Variants in DPYD observed in about 807,000 individuals in gnomAD.
The protein encoded by DPYD is dihydropyrimidine dehydrogenase.
Under a neutral mutation model 116.2 loss-of-function variants are expected in DPYD, and 109 were observed. The ratio of observed to expected loss-of-function variants is 0.94; its 90% CI spans 0.80 to 1.10. The LOEUF is 1.10. Ranked by LOEUF, DPYD falls within the 50% of genes least tolerant of loss-of-function variation. The pLI is 0.00. For missense variants in DPYD, 1,302 were observed against 1,254.5 expected (o/e 1.04, Z -0.57); for synonymous variants, 440 against 432.0 (o/e 1.02, Z -0.23).
chr1:97,140,924 C>T (rs12023630), intron 20 of DPYD, among the ~76,000 whole-genome samples: 21,103 of 152,092 alleles, frequency 0.14, 1,681 homozygotes, highest in East Asian at 0.31. Flanking sequence ...CACTATAATA[C>T]TGTTTTTTCC....
At chr1:97,081,236 A>G (rs1649128026) in intron 22 of DPYD, among the ~76,000 whole-genome samples, 1 of 152,046 alleles carries the variant, frequency 6.6e-6, no homozygotes, top group African/African-American at 2.4e-5. Flanking sequence ...AGGTACACAA[A>G]CTTCTCTTTT....
intron 3 of DPYD, among the ~76,000 whole-genome samples, chr1:97,777,145 C>A (rs1408693942): frequency 1.3e-5 from 2 of 152,084 alleles, no homozygotes; most frequent in Non-Finnish European, 2.9e-5. Context: ...TATTTACTAC[C>A]TAACACCTAG....
chr1:97,250,024 C>A (rs1261640762), intron 18 of DPYD, among the ~76,000 whole-genome samples: 4 of 152,160 alleles, frequency 2.6e-5, no homozygotes, highest in African/African-American at 4.8e-5. Flanking sequence ...GTAATCCCAG[C>A]ACTTTGGGAG....
chr1:97,292,722 G>GCACACACA (rs71765073), intron 18 of DPYD, among the ~76,000 whole-genome samples: 3,422 of 149,896 alleles, frequency 0.023, 62 homozygotes, highest in East Asian at 0.039. Context: ...ACACGCGCGA[G>GCACACACA]CACACACACA....
At chr1:97,544,467 A>T (rs1005049151) in intron 12 of DPYD, among the ~76,000 whole-genome samples, 2 of 152,128 alleles carry the variant, frequency 1.3e-5, no homozygotes, top group Non-Finnish European at 2.9e-5. Flanking sequence ...TATATTTCAA[A>T]CACTATCATT....
chr1:97,094,404 AC>A (rs1650095052), intron 21 of DPYD, among the ~76,000 whole-genome samples: 1 of 152,180 alleles, frequency 6.6e-6, no homozygotes, highest in Admixed American at 6.6e-5. Flanking sequence ...AGGAAAGAAT[AC>A]GTAAGCAACA....
At chr1:97,336,349 T>G (rs767590200) in intron 16 of DPYD, among the ~76,000 whole-genome samples, 1 of 152,188 alleles carries the variant, frequency 6.6e-6, no homozygotes, top group South Asian at 2.1e-4. Flanking sequence ...TTTAAAGAAC[T>G]AAGTCTAGTA....
chr1:97,573,896 C>G lies in DPYD; in HGVS notation c.1203G>C (p.Gly401=), dbSNP rs1335679003. ...GAACAAACTGCATAGCAACAATTCTCCCACCTTTTACTATAACCTTCCGTG... is the reference window on the plus strand; with the variant it reads ...GAACAAACTGCATAGCAACAATTCTGCCACCTTTTACTATAACCTTCCGTG... ...LSPRKVIVKG[G]RIVAMQFVRT... Residue 401 remains glycine, a synonymous_variant, in exon 11 of 23, where the codon GGG becomes GGC. Transcript: ENST00000370192. The G allele has an allele frequency of 1.2e-6, 2 of 1,613,716 alleles. No individual in the cohort carries two copies. The highest frequency in any genetic ancestry group is 1.7e-6 in the Non-Finnish European group (2 of 1,179,740).
At position 97,323,973 on chromosome 1, in the gene DPYD, T is replaced by G. The variant is rs1475975936; in HGVS notation, c.2059-17676A>C. On this transcript the variant is annotated intron_variant, in intron 16 of 22. Transcript: ENST00000370192. ...AGTACATGATCTAGGCCTAGGCAAC[T>G]GAAGATCCAGCCCAAAGTTTTAACC... 3.9e-5 allele frequency among the ~76,000 whole-genome samples: 6 copies of G among 151,908 alleles called. No homozygotes were observed. In the East Asian group the frequency reaches 1.2e-3, roughly 30 times the overall value.
intron 11 of DPYD, among the ~76,000 whole-genome samples, chr1:97,566,743 TA>T (rs991637501): frequency 1.3e-5 from 2 of 152,136 alleles, no homozygotes; most frequent in Non-Finnish European, 2.9e-5. Context: ...CTGAAGGTCA[TA>T]AAGAGTGGTT....
intron 3 of DPYD, among the ~76,000 whole-genome samples, chr1:97,791,071 C>T (rs1667296837): frequency 6.6e-6 from 1 of 152,170 alleles, no homozygotes; most frequent in South Asian, 2.1e-4. Context: ...ACATAATGTA[C>T]ATAAACACAG....
rs922224042 is a variant in DPYD at position 97,806,493 on chromosome 1, T to A, written c.233+21621A>T. On this transcript the variant is annotated intron_variant, in intron 3 of 22. Transcript: ENST00000370192. Reference sequence around the variant, plus strand: ...TTTACTCAAATATTTTGACTATTTTTAAAAATTGTACATACTTCCTTTTTT... The same window carrying A: ...TTTACTCAAATATTTTGACTATTTTAAAAAATTGTACATACTTCCTTTTTT... Among the ~76,000 whole-genome samples the A allele has an allele frequency of 8.6e-5, 13 of 151,964 alleles. 1 individual carries two copies. Among genetic ancestry groups the A allele is most frequent in the African/African-American group, 2.7e-4 (11 of 41,422 alleles).
intron 8 of DPYD, among the ~76,000 whole-genome samples, chr1:97,650,021 T>C (rs1658492842): frequency 6.6e-6 from 1 of 152,072 alleles, no homozygotes; most frequent in Non-Finnish European, 1.5e-5. Context: ...ATCATTTCAC[T>C]TCCCAACCTA....
intron 19 of DPYD, among the ~76,000 whole-genome samples, chr1:97,209,224 C>A (rs1659879293): frequency 6.6e-6 from 1 of 151,918 alleles, no homozygotes; most frequent in Admixed American, 6.6e-5. Context: ...TGAATTAGGT[C>A]AAAGAAAAGG....
Position 97,848,190 on chromosome 1 carries a change from C to T in DPYD, c.151-19994G>A, listed in dbSNP as rs375631636. 1.5e-3 allele frequency among the ~76,000 whole-genome samples: 233 copies of T among 152,248 alleles called. 1 individual carries two copies. Among genetic ancestry groups the T allele is most frequent in the African/African-American group, 5.2e-3 (214 of 41,534 alleles). On this transcript the variant is annotated intron_variant, in intron 2 of 22. Coordinates refer to ENST00000370192, the MANE Select transcript of DPYD (RefSeq NM_000110.4). ...TTGGCTCACTGCAAGCTCCGCCTCC[C>T]GGGTTCATGCCATTCTCCTGCCTCA...
chr1:97,215,889 C>G (rs1003758129), intron 19 of DPYD, among the ~76,000 whole-genome samples: 13 of 152,150 alleles, frequency 8.5e-5, no homozygotes, highest in Admixed American at 5.9e-4. Context: ...ACTACAGACT[C>G]TCTTTCAACA....
At chr1:97,918,913 A>G (rs1674362025) in intron 1 of DPYD, among the ~76,000 whole-genome samples, 1 of 152,194 alleles carries the variant, frequency 6.6e-6, no homozygotes, top group Non-Finnish European at 1.5e-5. Context: ...ATCTCTAGAC[A>G]ATGGTTGTAA....
chr1:97,598,091 T>C (rs1484523152), intron 8 of DPYD, among the ~76,000 whole-genome samples: 1 of 152,192 alleles, frequency 6.6e-6, no homozygotes, highest in South Asian at 2.1e-4. Flanking sequence ...GATAGGTTTA[T>C]TCTATAATTT....
chr1:97,465,458 T>G (rs1677263720), intron 13 of DPYD, among the ~76,000 whole-genome samples: 1 of 152,206 alleles, frequency 6.6e-6, no homozygotes, highest in Non-Finnish European at 1.5e-5. Flanking sequence ...AAATCTCATC[T>G]TGAATTCCCA....
Sources: gnomAD v4.1 joint callset for allele counts (sites outside exome capture counted in the v4.1 genomes callset) on GRCh38, gnomAD v4.1.1 for gene constraint, MANE v1.5 for transcripts, NCBI Gene and HGNC (gene_info 2026-07-23, HGNC 2026-07-21) for gene names.